The following SNTG1 variants were observed in gnomAD, a reference collection of about 807,000 sequenced individuals.
SNTG1 encodes the protein syntrophin gamma 1, also known as gamma-1-syntrophin.
In SNTG1, 39 loss-of-function variants were observed where a neutral mutation model predicts 74.7. The observed-to-expected ratio is 0.52, with a 90% CI of 0.40 to 0.68. SNTG1 has a LOEUF of 0.68. Ranked by LOEUF, SNTG1 falls within the 30% of genes least tolerant of loss-of-function variation. SNTG1 has a pLI of 0.00. For synonymous variants in SNTG1, 254 were observed against 217.1 expected (o/e 1.17, Z -1.49); for missense variants, 685 against 609.5 (o/e 1.12, Z -1.30).
chr8:49,951,614 G>T (rs1042908511), intron 1 of SNTG1, among the ~76,000 whole-genome samples: 10 of 151,372 alleles, frequency 6.6e-5, no homozygotes, highest in South Asian at 4.2e-4. Context: ...GTGGTGGGGT[G>T]GGGGGAGCGG....
At chr8:50,109,857 C>T (rs1033569435) in intron 1 of SNTG1, among the ~76,000 whole-genome samples, 3 of 152,188 alleles carry the variant, frequency 2.0e-5, no homozygotes, top group African/African-American at 7.2e-5. Context: ...TGAGAGTCTG[C>T]ATGGGCTTTT....
At chr8:49,940,981 G>C (rs979539642) in intron 1 of SNTG1, among the ~76,000 whole-genome samples, 2 of 152,102 alleles carry the variant, frequency 1.3e-5, no homozygotes, top group Admixed American at 1.3e-4. Context: ...AACGTTTAAG[G>C]CACTGTTGGA....
At chr8:50,664,092 A>G (rs894259403) in intron 15 of SNTG1, among the ~76,000 whole-genome samples, 2 of 152,204 alleles carry the variant, frequency 1.3e-5, no homozygotes, top group African/African-American at 2.4e-5. Context: ...ATTTAGGATC[A>G]ACAATTGGAG....
At chr8:50,215,285 T>C (rs2084725965) in intron 2 of SNTG1, among the ~76,000 whole-genome samples, 1 of 151,664 alleles carries the variant, frequency 6.6e-6, no homozygotes, top group Admixed American at 6.6e-5. Context: ...AAAATATCCA[T>C]CTGGGAAAAG....
At chr8:50,527,361 T>A (rs1483321529) in intron 9 of SNTG1, among the ~76,000 whole-genome samples, 1 of 152,120 alleles carries the variant, frequency 6.6e-6, no homozygotes, top group Non-Finnish European at 1.5e-5. Flanking sequence ...TTTTGTATCC[T>A]CTCTAAGACA....
chr8:50,152,464 T>C (rs2082103492), intron 1 of SNTG1, among the ~76,000 whole-genome samples: 1 of 152,208 alleles, frequency 6.6e-6, no homozygotes, highest in Non-Finnish European at 1.5e-5. Context: ...GTTATCTGGT[T>C]ATTTTGCTTG....
At chr8:50,221,142 C>T (rs2085042930) in intron 2 of SNTG1, among the ~76,000 whole-genome samples, 1 of 152,020 alleles carries the variant, frequency 6.6e-6, no homozygotes, top group Admixed American at 6.6e-5. Context: ...AGGAAATCTT[C>T]TAAGTAACTC....
chr8:50,671,552 T>C, intron 15 of SNTG1, among the ~76,000 whole-genome samples: 1 of 152,126 alleles, frequency 6.6e-6, no homozygotes, highest in Admixed American at 6.6e-5. Flanking sequence ...CAACAGGTGC[T>C]GGAGAGGATG....
intron 2 of SNTG1, among the ~76,000 whole-genome samples, chr8:50,227,795 A>G (rs1281015638): frequency 6.6e-6 from 1 of 151,932 alleles, no homozygotes; most frequent in Non-Finnish European, 1.5e-5. Context: ...ATAACTGAGA[A>G]AGTATTTATA....
At chr8:49,935,142 C>G (rs762276885) in intron 1 of SNTG1, among the ~76,000 whole-genome samples, 6 of 151,096 alleles carry the variant, frequency 4.0e-5, no homozygotes, top group Non-Finnish European at 8.8e-5. Context: ...AATTTAAGAA[C>G]TTATTCCAGA....
chr8:50,335,282 C>T (rs891604276), intron 2 of SNTG1, among the ~76,000 whole-genome samples: 5 of 152,164 alleles, frequency 3.3e-5, no homozygotes, highest in African/African-American at 9.7e-5. Context: ...CATATCATCT[C>T]ACCACTCTGG....
At chr8:50,602,444 T>C (rs2094781729) in intron 13 of SNTG1, among the ~76,000 whole-genome samples, 1 of 152,204 alleles carries the variant, frequency 6.6e-6, no homozygotes, top group South Asian at 2.1e-4. Context: ...TGTTTCTCTT[T>C]ATGTCTTATA....
intron 2 of SNTG1, among the ~76,000 whole-genome samples, chr8:50,322,627 C>T (rs1478243524): frequency 6.6e-6 from 1 of 152,040 alleles, no homozygotes; most frequent in Non-Finnish European, 1.5e-5. Flanking sequence ...TGTTCTATTC[C>T]TATCTCTCTT....
chr8:50,221,512 T>TAC (rs71550218), intron 2 of SNTG1, among the ~76,000 whole-genome samples: 8,202 of 130,068 alleles, frequency 0.063, 373 homozygotes, highest in African/African-American at 0.13. Flanking sequence ...AACACACACA[T>TAC]ACACACACAC....
chr8:50,601,276 C>T (rs2094773219), intron 13 of SNTG1, among the ~76,000 whole-genome samples: 1 of 146,718 alleles, frequency 6.8e-6, no homozygotes, highest in Non-Finnish European at 1.5e-5. Context: ...AAATTTTCCT[C>T]TTAGCTCTGC....
intron 2 of SNTG1, among the ~76,000 whole-genome samples, chr8:50,196,694 T>G (rs1303608863): frequency 6.6e-6 from 1 of 151,874 alleles, no homozygotes; most frequent in African/African-American, 2.4e-5. Flanking sequence ...TGGTGGCTCA[T>G]GCTTGTAATC....
At position 50,123,945 on chromosome 8, in the gene SNTG1, A is replaced by G. The variant is rs566731731; in HGVS notation, c.-102-48616A>G. Among the ~76,000 whole-genome samples, 65 of 142,688 alleles carry G rather than the reference A, an allele frequency of 4.6e-4. 12 individuals carry two copies. Among genetic ancestry groups the G allele is most frequent in the Non-Finnish European group, 6.4e-4 (41 of 63,922 alleles). 93.6% of individuals were successfully genotyped at this position (142,688 alleles called of 152,430 possible). On this transcript the variant is annotated intron_variant, in intron 1 of 18. Transcript: ENST00000642720. ...TTTAACAAAATTGAATATAAATAAT[A>G]TAGGGTTTTCAGTGTCTTTTTCTTA... is the stretch of plus-strand genomic sequence containing the variant.
chr8:50,495,143 G>T (rs2093892636), intron 8 of SNTG1, among the ~76,000 whole-genome samples: 1 of 152,048 alleles, frequency 6.6e-6, no homozygotes, highest in African/African-American at 2.4e-5. Flanking sequence ...CATATAACCA[G>T]ATGGACCTTC....
intron 2 of SNTG1, among the ~76,000 whole-genome samples, chr8:50,353,530 C>T (rs1403608356): frequency 6.6e-6 from 1 of 151,992 alleles, no homozygotes; most frequent in Non-Finnish European, 1.5e-5. Flanking sequence ...AATAAGCATG[C>T]CACCTTGATG....
Sources: allele counts gnomAD v4.1 joint callset (sites outside exome capture counted in the v4.1 genomes callset), GRCh38; gene constraint gnomAD v4.1.1; transcripts MANE v1.5; gene names NCBI Gene and HGNC (gene_info 2026-07-23, HGNC 2026-07-21).